Variants in CACNA2D1 observed in about 807,000 individuals in gnomAD.
CACNA2D1 encodes calcium voltage-gated channel auxiliary subunit alpha2delta 1, also known as voltage-dependent calcium channel subunit alpha-2/delta-1.
In CACNA2D1, 53 loss-of-function variants were observed where a neutral mutation model predicts 171.5. That is an observed-to-expected ratio of 0.31 (90% CI 0.25 to 0.39). The LOEUF is 0.39. CACNA2D1 is among the 10% of genes least tolerant of loss of function. The probability of loss-of-function intolerance (pLI) is 1.00; values close to 1 mark genes in which losing one functional copy is unlikely to be tolerated. For missense variants in CACNA2D1, 903 were observed against 1,299.8 expected (o/e 0.69, Z 4.69); for synonymous variants, 442 against 443.1 (o/e 1.00, Z 0.03).
intron 5 of CACNA2D1, among the ~76,000 whole-genome samples, chr7:82,117,761 A>G (rs548773546): frequency 1.3e-3 from 194 of 152,312 alleles, no homozygotes; most frequent in African/African-American, 4.4e-3. Context: ...AGCCTGGGCA[A>G]CAAAGTGAGA....
At chr7:82,180,984 G>A (rs1340480929) in intron 3 of CACNA2D1, among the ~76,000 whole-genome samples, 1 of 134,482 alleles carries the variant, frequency 7.4e-6, no homozygotes, top group Non-Finnish European at 1.5e-5. Context: ...ACTTATTTAT[G>A]TAACTCTGGT....
intron 3 of CACNA2D1, among the ~76,000 whole-genome samples, chr7:82,251,944 T>C (rs1208986694): frequency 6.6e-6 from 1 of 152,206 alleles, no homozygotes; most frequent in African/African-American, 2.4e-5. Flanking sequence ...ATAAAAAGCC[T>C]AGTGATTATC....
At chr7:81,968,754 T>C (rs1794964668) in intron 29 of CACNA2D1, 133 bp downstream of exon 29, 1 of 628,058 alleles carries the variant, frequency 1.6e-6, no homozygotes, top group South Asian at 1.8e-5. Context: ...TATTTAATTT[T>C]TTTAAGTGTG....
At chr7:82,267,713 G>T (rs893876235) in intron 3 of CACNA2D1, among the ~76,000 whole-genome samples, 2 of 152,088 alleles carry the variant, frequency 1.3e-5, no homozygotes, top group Non-Finnish European at 2.9e-5. Flanking sequence ...CTACAAACTC[G>T]GCTGGGTGTG....
intron 1 of CACNA2D1, among the ~76,000 whole-genome samples, chr7:82,380,171 C>A (rs1823528809): frequency 6.6e-6 from 1 of 152,096 alleles, no homozygotes; most frequent in Non-Finnish European, 1.5e-5. Context: ...AAGCATGGTT[C>A]ATTTCAAATC....
At chr7:82,310,388 G>A (rs1001151579) in intron 3 of CACNA2D1, among the ~76,000 whole-genome samples, 1 of 151,920 alleles carries the variant, frequency 6.6e-6, no homozygotes, top group African/African-American at 2.4e-5. Flanking sequence ...TTTAAAGGTT[G>A]CTTTAAAATT....
intron 7 of CACNA2D1, among the ~76,000 whole-genome samples, chr7:82,082,253 T>C (rs560197077): frequency 6.6e-6 from 1 of 152,218 alleles, no homozygotes; most frequent in Non-Finnish European, 1.5e-5. Flanking sequence ...TGTACCCACA[T>C]TTCATGGGTT....
intron 1 of CACNA2D1, among the ~76,000 whole-genome samples, chr7:82,361,035 G>C (rs1404631013): frequency 6.6e-6 from 1 of 152,120 alleles, no homozygotes; most frequent in Non-Finnish European, 1.5e-5. Flanking sequence ...ATATGAGATG[G>C]TAAACATCTT....
chr7:82,197,058 C>A (rs1798924848), intron 3 of CACNA2D1, among the ~76,000 whole-genome samples: 1 of 151,690 alleles, frequency 6.6e-6, no homozygotes, highest in Admixed American at 6.6e-5. Context: ...AAAATTGTGG[C>A]TAGTTTAAGC....
intron 4 of CACNA2D1, among the ~76,000 whole-genome samples, chr7:82,150,267 A>AAAAAAT: frequency 1.2e-5 from 1 of 85,592 alleles, no homozygotes; most frequent in Non-Finnish European, 2.2e-5. Context: ...TAAAAAAAAA[A>AAAAAAT]AACAAAAACA....
At chr7:82,172,940 A>G (rs958876675) in intron 3 of CACNA2D1, among the ~76,000 whole-genome samples, 2 of 152,060 alleles carry the variant, frequency 1.3e-5, no homozygotes, top group Non-Finnish European at 1.5e-5. Context: ...GTCTTAGAGA[A>G]GAATATTAAG....
chr7:82,443,357 C>G lies in CACNA2D1; in HGVS notation c.95+8G>C, dbSNP rs2129460327. 1 of 1,600,624 alleles carries G rather than the reference C, an allele frequency of 6.2e-7. No individual in the cohort carries two copies. Among genetic ancestry groups the G allele is most frequent in the Non-Finnish European group, 8.5e-7 (1 of 1,173,914 alleles). Reference sequence around the variant, plus strand: ...GGCCGGCGCTCCCTGCCCGGCCCGCCGACTTACGTGACGGCCGAAGGGAAC... The same window carrying G: ...GGCCGGCGCTCCCTGCCCGGCCCGCGGACTTACGTGACGGCCGAAGGGAAC... On this transcript the variant is annotated splice_region_variant and intron_variant, in intron 1 of 38. Coordinates refer to ENST00000356860, the MANE Select transcript of CACNA2D1 (RefSeq NM_000722.4).
At chr7:82,146,866 A>T (rs1046675586) in intron 4 of CACNA2D1, among the ~76,000 whole-genome samples, 1 of 151,164 alleles carries the variant, frequency 6.6e-6, no homozygotes, top group Admixed American at 6.6e-5. Flanking sequence ...CACACCTGTA[A>T]TCCCAGCTAC....
chr7:82,086,574 T>C (rs1354065691), intron 6 of CACNA2D1, among the ~76,000 whole-genome samples: 4 of 152,152 alleles, frequency 2.6e-5, no homozygotes, highest in Admixed American at 2.0e-4. Flanking sequence ...CCACTATTCA[T>C]GAATATTTAT....
At chr7:82,250,793 G>T (rs971702150) in intron 3 of CACNA2D1, among the ~76,000 whole-genome samples, 7 of 151,886 alleles carry the variant, frequency 4.6e-5, no homozygotes, top group African/African-American at 1.7e-4. Flanking sequence ...AAGAGTTCTG[G>T]TTTACTGGTA....
At chr7:82,081,522 T>C (rs1281283339) in intron 7 of CACNA2D1, among the ~76,000 whole-genome samples, 1 of 152,228 alleles carries the variant, frequency 6.6e-6, no homozygotes, top group East Asian at 1.9e-4. Context: ...TCAAGTGGGC[T>C]ATTTTAATGA....
chr7:82,058,809 A>G (rs1218018484), intron 10 of CACNA2D1, among the ~76,000 whole-genome samples: 1 of 152,118 alleles, frequency 6.6e-6, no homozygotes, highest in Non-Finnish European at 1.5e-5. Flanking sequence ...TCACAAAAAG[A>G]GTTTCACAGG....
intron 24 of CACNA2D1, among the ~76,000 whole-genome samples, chr7:81,979,983 A>T (rs924038845): frequency 1.6e-4 from 24 of 151,888 alleles, no homozygotes; most frequent in Non-Finnish European, 2.6e-4. Context: ...GCTCCCCAAG[A>T]GAAATAGAGA....
At chr7:81,991,970 G>A (rs971298104) in intron 20 of CACNA2D1, among the ~76,000 whole-genome samples, 10 of 151,176 alleles carry the variant, frequency 6.6e-5, no homozygotes, top group African/African-American at 2.4e-4. Context: ...CAGTAGCTGG[G>A]ACTACAGGGG....
Sources: allele counts gnomAD v4.1 joint callset (sites outside exome capture counted in the v4.1 genomes callset), GRCh38; gene constraint gnomAD v4.1.1; transcripts MANE v1.5; gene names NCBI Gene and HGNC (gene_info 2026-07-23, HGNC 2026-07-21).